AUTS2: variants seen among roughly 807,000 people sequenced by gnomAD.
AUTS2 encodes the protein activator of transcription and developmental regulator AUTS2.
A neutral mutation model predicts 112.4 loss-of-function variants in AUTS2; 17 were observed. That is an observed-to-expected ratio of 0.15 (90% CI 0.10 to 0.23). AUTS2 has a LOEUF of 0.23. Among genes scored for constraint, AUTS2 ranks in the 10% least tolerant of loss-of-function variants. The pLI, the probability that AUTS2 is intolerant of heterozygous loss-of-function variation, is 1.00. For missense variants in AUTS2, 1,510 were observed against 1,701.6 expected, an observed-to-expected ratio of 0.89 and a Z score of 1.98; for synonymous variants, 751 against 702.7, an observed-to-expected ratio of 1.07 and a Z score of -1.09.
At chr7:69,629,369 A>G (rs1390465579) in intron 1 of AUTS2, among the ~76,000 whole-genome samples, 1 of 152,186 alleles carries the variant, frequency 6.6e-6, no homozygotes, top group African/African-American at 2.4e-5. Flanking sequence ...CTTATAAAAT[A>G]CCTGACAGAC....
rs1377404535 is a variant in AUTS2 at position 70,673,621 on chromosome 7, CT to C, written c.691-24947del. The stretch of plus-strand genomic sequence containing the variant: ...GAACTCCAGGCCTCAGGTAATCCAC[CT>C]GCCTTGGCCTCTCAAGGTGCTGGGA... On this transcript the variant is annotated intron_variant, in intron 5 of 18. Transcript: ENST00000342771. 5.9e-5 allele frequency among the ~76,000 whole-genome samples: 9 copies of C among 152,138 alleles called. No homozygotes were observed. The South Asian group carries it at 1.9e-3, about 32-fold the overall frequency.
At chr7:70,053,122 TATAAA>T (rs1157030999) in intron 2 of AUTS2, among the ~76,000 whole-genome samples, 3 of 152,192 alleles carry the variant, frequency 2.0e-5, no homozygotes, top group African/African-American at 7.2e-5. Context: ...TATTTCATAA[TATAAA>T]ATAAGAGAAA....
intron 2 of AUTS2, among the ~76,000 whole-genome samples, chr7:69,952,387 G>A (rs1797061478): frequency 6.6e-6 from 1 of 152,156 alleles, no homozygotes; most frequent in Non-Finnish European, 1.5e-5. Context: ...CCCCCTCAAA[G>A]GTTGGCAAGG....
intron 1 of AUTS2, among the ~76,000 whole-genome samples, chr7:69,672,444 C>T (rs1420956204): frequency 2.6e-5 from 4 of 152,166 alleles, no homozygotes; most frequent in South Asian, 2.1e-4. Context: ...ATACACACAA[C>T]GGTGATTTGT....
chr7:70,651,382 G>A (rs1384963058), intron 5 of AUTS2, among the ~76,000 whole-genome samples: 1 of 152,156 alleles, frequency 6.6e-6, no homozygotes, highest in Non-Finnish European at 1.5e-5. Flanking sequence ...TTCTGTACAG[G>A]TGTTCCTTAA....
intron 4 of AUTS2, among the ~76,000 whole-genome samples, chr7:70,364,790 C>G (rs960296597): frequency 6.6e-6 from 1 of 152,056 alleles, no homozygotes; most frequent in African/African-American, 2.4e-5. Context: ...TGGGCATTCA[C>G]ATATTGGAGA....
At chr7:70,672,800 A>ACCATGTTGG (rs1807713311) in intron 5 of AUTS2, among the ~76,000 whole-genome samples, 1 of 152,002 alleles carries the variant, frequency 6.6e-6, no homozygotes, top group South Asian at 2.1e-4. Flanking sequence ...ACGGGGTTTC[A>ACCATGTTGG]CCATGTTGGC....
chr7:70,600,691 C>A (rs1389101560), intron 5 of AUTS2, among the ~76,000 whole-genome samples: 1 of 152,238 alleles, frequency 6.6e-6, no homozygotes, highest in East Asian at 1.9e-4. Flanking sequence ...TTAGCAATCA[C>A]TCTCTGCACC....
intron 2 of AUTS2, among the ~76,000 whole-genome samples, chr7:69,961,035 G>T (rs1797409342): frequency 6.6e-6 from 1 of 152,122 alleles, no homozygotes; most frequent in South Asian, 2.1e-4. Flanking sequence ...GTATGTATGT[G>T]TATCATTCCT....
chr7:70,058,774 C>G (rs1048767331), intron 2 of AUTS2, among the ~76,000 whole-genome samples: 1 of 152,036 alleles, frequency 6.6e-6, no homozygotes, highest in East Asian at 1.9e-4. Flanking sequence ...TTATTAGAGA[C>G]TTATCTGAAT....
Position 70,534,396 on chromosome 7 carries a change from ATTTGTTTGTTTG to A in AUTS2, c.690+98651_690+98662del, listed in dbSNP as rs59524958. Among the ~76,000 whole-genome samples, 854 of 148,018 alleles carry A rather than the reference ATTTGTTTGTTTG, an allele frequency of 5.8e-3. 2 individuals carry two copies. The highest frequency in any genetic ancestry group is 9.3e-3 in the East Asian group (46 of 4,950). On this transcript the variant is annotated intron_variant, in intron 5 of 18. Coordinates refer to ENST00000342771, the MANE Select transcript of AUTS2 (RefSeq NM_015570.4). Reference sequence around the variant, plus strand: ...TATCGGGGAGTTATTGGGAATATGAATTTGTTTGTTTGTTTGTTTGTTTGTTTGTTTGTTTGT... The same window carrying A: ...TATCGGGGAGTTATTGGGAATATGAATTTGTTTGTTTGTTTGTTTGTTTGT...
intron 1 of AUTS2, among the ~76,000 whole-genome samples, chr7:69,803,006 G>T (rs1160167027): frequency 6.6e-6 from 1 of 152,084 alleles, no homozygotes; most frequent in Non-Finnish European, 1.5e-5. Context: ...CTCATTTGGA[G>T]GTCATTTCCT....
intron 4 of AUTS2, among the ~76,000 whole-genome samples, chr7:70,369,383 G>T (rs1195277781): frequency 2.0e-5 from 3 of 152,136 alleles, no homozygotes; most frequent in Admixed American, 6.5e-5. Context: ...TTTGAGGGTT[G>T]TTTCATATAT....
intron 5 of AUTS2, among the ~76,000 whole-genome samples, chr7:70,470,766 C>G (rs557983725): frequency 2.0e-5 from 3 of 152,076 alleles, no homozygotes; most frequent in Admixed American, 2.0e-4. Context: ...GTAACCCCAC[C>G]GGGAGCAGCA....
At chr7:70,430,474 G>A (rs1008031781) in intron 4 of AUTS2, among the ~76,000 whole-genome samples, 1 of 152,046 alleles carries the variant, frequency 6.6e-6, no homozygotes, top group Non-Finnish European at 1.5e-5. Flanking sequence ...ATATACTAAG[G>A]CCCAGAGAGT....
At chr7:70,042,411 A>C (rs1321662388) in intron 2 of AUTS2, among the ~76,000 whole-genome samples, 1 of 152,168 alleles carries the variant, frequency 6.6e-6, no homozygotes, top group African/African-American at 2.4e-5. Flanking sequence ...ATGGTTTTTA[A>C]GTTTGTGTAG....
intron 5 of AUTS2, among the ~76,000 whole-genome samples, chr7:70,496,866 C>CCA (rs201081158): frequency 7.9e-6 from 1 of 126,018 alleles, no homozygotes; most frequent in African/African-American, 3.0e-5. Context: ...CACACACACC[C>CCA]CACACACATG....
At chr7:70,562,574 T>TA in intron 5 of AUTS2, among the ~76,000 whole-genome samples, 1 of 152,332 alleles carries the variant, frequency 6.6e-6, no homozygotes, top group South Asian at 2.1e-4. Context: ...GGATAGCACT[T>TA]ACCACGTGGC....
At chr7:70,431,956 G>A (rs1314105519) in intron 4 of AUTS2, among the ~76,000 whole-genome samples, 4 of 152,220 alleles carry the variant, frequency 2.6e-5, no homozygotes, top group Admixed American at 2.6e-4. Context: ...TGTGTGTGAT[G>A]GTTTGGGTCA....
Sources: gnomAD v4.1 joint callset for allele counts (sites outside exome capture counted in the v4.1 genomes callset) on GRCh38, gnomAD v4.1.1 for gene constraint, MANE v1.5 for transcripts, NCBI Gene and HGNC (gene_info 2026-07-23, HGNC 2026-07-21) for gene names.